Variants in SMOC2 observed in about 807,000 individuals in gnomAD.
SMOC2 encodes SPARC-related modular calcium-binding protein 2.
A neutral mutation model predicts 61.4 loss-of-function variants in SMOC2; 39 were observed. The observed-to-expected ratio is 0.64, with a 90% CI of 0.49 to 0.83. SMOC2 has a LOEUF of 0.83. SMOC2 is among the 40% of genes least tolerant of loss of function. The pLI is 0.00. For synonymous variants in SMOC2, 247 were observed against 239.9 expected (o/e 1.03, Z -0.27); for missense variants, 556 against 592.9 (o/e 0.94, Z 0.65).
chr6:168,447,589 A>T (rs549802856), intron 1 of SMOC2, among the ~76,000 whole-genome samples: 1 of 152,024 alleles, frequency 6.6e-6, no homozygotes, highest in Non-Finnish European at 1.5e-5. Flanking sequence ...GAGGGCAGAC[A>T]TTTTTGGGGG....
chr6:168,527,780 G>A (rs1230526873), intron 4 of SMOC2, 53 bp downstream of exon 4: 31 of 1,224,630 alleles, frequency 2.5e-5, no homozygotes, highest in African/African-American at 9.0e-5. Flanking sequence ...TTGGTTTGCC[G>A]TTTCTTCTCA....
At chr6:168,623,935 G>A (rs531766483) in intron 9 of SMOC2, among the ~76,000 whole-genome samples, 14 of 152,292 alleles carry the variant, frequency 9.2e-5, no homozygotes, top group Non-Finnish European at 1.3e-4. Context: ...AGAGAGGCGC[G>A]CTCACCTGCT....
chr6:168,502,260 G>C (rs1782748691), intron 1 of SMOC2, among the ~76,000 whole-genome samples: 1 of 152,138 alleles, frequency 6.6e-6, no homozygotes, highest in African/African-American at 2.4e-5. Flanking sequence ...TTGTTTTCAC[G>C]ATCATCTTTA....
intron 1 of SMOC2, among the ~76,000 whole-genome samples, chr6:168,485,796 G>A (rs989558605): frequency 1.3e-5 from 2 of 152,154 alleles, no homozygotes; most frequent in Non-Finnish European, 2.9e-5. Flanking sequence ...ACATTGAATT[G>A]TACAATTTGA....
chr6:168,611,491 C>T (rs1488414453), intron 9 of SMOC2, among the ~76,000 whole-genome samples: 23 of 118,314 alleles, frequency 1.9e-4, no homozygotes, highest in African/African-American at 7.8e-4. Flanking sequence ...CGGGACCCAC[C>T]GTGGCTCCCG....
chr6:168,630,271 G>A (rs1786532163), intron 9 of SMOC2, among the ~76,000 whole-genome samples: 1 of 152,222 alleles, frequency 6.6e-6, no homozygotes, highest in Admixed American at 6.5e-5. Context: ...GGGACCGGCT[G>A]AAGCCATGGC....
At chr6:168,600,060 G>A (rs112949103) in intron 8 of SMOC2, among the ~76,000 whole-genome samples, 6 of 151,996 alleles carry the variant, frequency 3.9e-5, no homozygotes, top group Admixed American at 6.6e-5. Flanking sequence ...TCCAAGTGGC[G>A]ATCACCCAAC....
chr6:168,533,286 C>T (rs2115084886), intron 4 of SMOC2, among the ~76,000 whole-genome samples: 1 of 152,274 alleles, frequency 6.6e-6, no homozygotes, highest in East Asian at 1.9e-4. Flanking sequence ...CTTGGAGTCG[C>T]ATGAATCTCA....
chr6:168,633,554 G>C (rs1456140557), intron 9 of SMOC2, among the ~76,000 whole-genome samples: 2 of 151,970 alleles, frequency 1.3e-5, no homozygotes, highest in Non-Finnish European at 2.9e-5. Flanking sequence ...AATAATTTAA[G>C]AATTACCCCA....
At chr6:168,607,393 G>A (rs527550557) in intron 8 of SMOC2, among the ~76,000 whole-genome samples, 6 of 152,244 alleles carry the variant, frequency 3.9e-5, no homozygotes, top group Admixed American at 1.3e-4. Flanking sequence ...GCTGTTTACC[G>A]GATTTGAATC....
intron 2 of SMOC2, among the ~76,000 whole-genome samples, chr6:168,517,339 TC>T (rs1562565623): frequency 1.3e-5 from 2 of 152,210 alleles, no homozygotes; most frequent in South Asian, 4.1e-4. Context: ...GGTGGCACCT[TC>T]CCAGGCCTTC....
At chr6:168,582,238 G>A (rs1184480121) in intron 7 of SMOC2, among the ~76,000 whole-genome samples, 2 of 152,138 alleles carry the variant, frequency 1.3e-5, no homozygotes, top group African/African-American at 4.8e-5. Flanking sequence ...ATTGTTGAAG[G>A]GATGTCATGG....
intron 1 of SMOC2, among the ~76,000 whole-genome samples, chr6:168,490,283 C>T (rs963447665): frequency 3.3e-5 from 5 of 151,684 alleles, no homozygotes; most frequent in Admixed American, 2.0e-4. Flanking sequence ...TATATCAAAT[C>T]GTCTGGGTCC....
chr6:168,628,963 G>A (rs556364433), intron 9 of SMOC2, among the ~76,000 whole-genome samples: 1 of 152,390 alleles, frequency 6.6e-6, no homozygotes, highest in South Asian at 2.1e-4. Flanking sequence ...GGGGGCCCGG[G>A]ACATGGGCTG....
At chr6:168,518,320 T>C (rs1365514751) in intron 2 of SMOC2, among the ~76,000 whole-genome samples, 1 of 152,056 alleles carries the variant, frequency 6.6e-6, no homozygotes, top group Non-Finnish European at 1.5e-5. Flanking sequence ...GCGTTTCTGT[T>C]GCATGTGTGT....
At chr6:168,648,255 G>C (rs1356670780) in intron 9 of SMOC2, among the ~76,000 whole-genome samples, 2 of 152,218 alleles carry the variant, frequency 1.3e-5, no homozygotes, top group African/African-American at 4.8e-5. Flanking sequence ...AATTCATAGA[G>C]AGCAGCCCTG....
chr6:168,464,335 C>T (rs1052689136), intron 1 of SMOC2, among the ~76,000 whole-genome samples: 3 of 152,068 alleles, frequency 2.0e-5, no homozygotes, highest in Admixed American at 2.0e-4. Flanking sequence ...CTTGGCTACT[C>T]GGATAATAGC....
At chr6:168,443,367 G>A (rs879732593) in intron 1 of SMOC2, among the ~76,000 whole-genome samples, 1 of 152,144 alleles carries the variant, frequency 6.6e-6, no homozygotes, top group Non-Finnish European at 1.5e-5. Flanking sequence ...CCTTGAGGTT[G>A]CCCCAAGGAT....
intron 1 of SMOC2, among the ~76,000 whole-genome samples, chr6:168,485,026 G>A (rs1782298401): frequency 6.6e-6 from 1 of 152,166 alleles, no homozygotes; most frequent in Admixed American, 6.5e-5. Context: ...AGATGGTGGT[G>A]ATAGTTATAC....
Sources: gnomAD v4.1 joint callset for allele counts (sites outside exome capture counted in the v4.1 genomes callset) on GRCh38, gnomAD v4.1.1 for gene constraint, MANE v1.5 for transcripts, NCBI Gene and HGNC (gene_info 2026-07-23, HGNC 2026-07-21) for gene names.